MGST1: variants seen among roughly 807,000 people sequenced by gnomAD.
MGST1 encodes the protein microsomal glutathione S-transferase 1, also known as glutathione S-transferase 12.
In MGST1, 5 loss-of-function variants were observed where a neutral mutation model predicts 8.9. That is an observed-to-expected ratio of 0.56 (90% CI 0.29 to 1.19). The LOEUF (loss-of-function observed/expected upper bound fraction) is 1.19. MGST1 is among the 50% of genes most tolerant of loss of function. MGST1 has a pLI of 0.08. For synonymous variants in MGST1, 54 were observed against 67.8 expected (o/e 0.80, Z 1.00); for missense variants, 182 against 187.4 (o/e 0.97, Z 0.17).
chr12:16,388,363 T>A (rs1009218844), intron 1 of MGST1, among the ~76,000 whole-genome samples: 1 of 151,778 alleles, frequency 6.6e-6, no homozygotes, highest in Non-Finnish European at 1.5e-5. Flanking sequence ...AGTGAGTGAG[T>A]GGGGAGTGAA....
At chr12:16,399,826 C>A in intron 1 of MGST1, 2 of 1,218,708 alleles carry the variant, frequency 1.6e-6, no homozygotes, top group South Asian at 1.2e-5. Flanking sequence ...TGATCATGGT[C>A]ACTTTCTTGC....
chr12:16,534,505 G>T (rs1038290915), intron 4 of MGST1, among the ~76,000 whole-genome samples: 2 of 152,016 alleles, frequency 1.3e-5, no homozygotes, highest in Non-Finnish European at 2.9e-5. Flanking sequence ...ATATAGTAAG[G>T]GATGGCACAT....
At chr12:16,440,364 T>C (rs1941028999), downstream of MGST1, among the ~76,000 whole-genome samples, 1 of 151,774 alleles carries the variant, frequency 6.6e-6, no homozygotes, top group Non-Finnish European at 1.5e-5. Flanking sequence ...TTCCAACTTC[T>C]TAGAGGTTTC....
chr12:16,575,699 G>A (rs1468083008), intron 4 of MGST1, among the ~76,000 whole-genome samples: 3 of 152,224 alleles, frequency 2.0e-5, no homozygotes, highest in Admixed American at 2.0e-4. Flanking sequence ...AGCCATTTAG[G>A]ATTTCCCCTC....
At chr12:16,538,908 G>A (rs997154655) in intron 4 of MGST1, among the ~76,000 whole-genome samples, 8 of 151,996 alleles carry the variant, frequency 5.3e-5, no homozygotes, top group African/African-American at 1.2e-4. Context: ...GCACCCGGCC[G>A]AAAGGCACTT....
intron 1 of MGST1, chr12:16,400,638 T>G: frequency 6.8e-7 from 1 of 1,473,310 alleles, no homozygotes; most frequent in Non-Finnish European, 9.5e-7. Context: ...GTAATTTCTT[T>G]GACAAAAGTC....
chr12:16,403,801 G>A (rs1035642409), intron 1 of MGST1, among the ~76,000 whole-genome samples: 2 of 152,030 alleles, frequency 1.3e-5, no homozygotes, highest in Non-Finnish European at 2.9e-5. Flanking sequence ...TCTGAGCGAA[G>A]GAAGAAGAGC....
downstream of MGST1, among the ~76,000 whole-genome samples, chr12:16,442,199 A>G (rs1225707956): frequency 1.3e-5 from 2 of 151,690 alleles, no homozygotes; most frequent in Non-Finnish European, 2.9e-5. This position sits in a 1 kb window ranked among gnomAD's most constrained non-coding sequence, Gnocchi z 4.5. Flanking sequence ...TTTTCTTTGT[A>G]TCTTTCGTAA....
intron 4 of MGST1, among the ~76,000 whole-genome samples, chr12:16,556,552 G>A (rs1444222422): frequency 6.6e-6 from 1 of 152,062 alleles, no homozygotes; most frequent in African/African-American, 2.4e-5. Flanking sequence ...ATTCACAAAC[G>A]CGTAATTCCA....
In MGST1 at chr12:16,578,822, AACAACAACAAC is replaced by A. The variant is rs1565497691; in HGVS notation, n.483-10704_483-10694del. Among the ~76,000 whole-genome samples the A allele has an allele frequency of 9.6e-3, 765 of 79,942 alleles. 8 individuals are homozygous for A. Among genetic ancestry groups the A allele is most frequent in the African/African-American group, 0.029 (742 of 25,324 alleles). 52.4% of individuals were successfully genotyped at this position (79,942 alleles called of 152,430 possible). ...GACAGAGCGAGATTCTGTCTCAAAC[AACAACAACAAC>A]AACAACAACAACAACAACAACAACA... On this transcript the variant is annotated intron_variant and non_coding_transcript_variant, in intron 4 of 4. Transcript: ENST00000538857.
intron 4 of MGST1, among the ~76,000 whole-genome samples, chr12:16,524,767 C>T (rs1287852533): frequency 1.3e-5 from 2 of 152,018 alleles, no homozygotes; most frequent in Admixed American, 6.6e-5. Flanking sequence ...ACAGAGCTTA[C>T]ATATTTATGC....
In MGST1 at chr12:16,361,433, A is replaced by G. The variant is rs9332936; in HGVS notation, c.222-2362A>G. Among the ~76,000 whole-genome samples, 1,775 of 152,296 alleles carry G rather than the reference A, an allele frequency of 0.012. 11 individuals are homozygous for G. Among genetic ancestry groups the G allele is most frequent in the Middle Eastern group, 0.024 (7 of 294 alleles). On this transcript the variant is annotated intron_variant, in intron 3 of 3. Transcript: ENST00000396210. The surrounding 1 kb of genome is among the most constrained non-coding windows in gnomAD (Gnocchi z 4.2). Reference sequence around the variant, plus strand: ...CCAGGGCATGTGTGTCCAAAGGAGAAAGAAGAATGGGAAAATGTAATCATG... The same window carrying G: ...CCAGGGCATGTGTGTCCAAAGGAGAGAGAAGAATGGGAAAATGTAATCATG...
In MGST1 at chr12:16,389,259, G is replaced by A. The variant is rs188239985; in HGVS notation, n.778+5655G>A. On this transcript the variant is annotated intron_variant and non_coding_transcript_variant, in intron 1 of 1. Transcript: ENST00000359720. The surrounding 1 kb of genome is among the most constrained non-coding windows in gnomAD (Gnocchi z 4.6). Reference sequence around the variant, plus strand: ...CTGAAAAGAAATAGTTTGTTTACTCGATGCATCAACAGTTTGTATCTCAAC... The same window carrying A: ...CTGAAAAGAAATAGTTTGTTTACTCAATGCATCAACAGTTTGTATCTCAAC... Among the ~76,000 whole-genome samples, 8 of 152,250 alleles carry A rather than the reference G, an allele frequency of 5.3e-5. No individual in the cohort carries two copies. Among genetic ancestry groups the A allele is most frequent in the South Asian group, 2.1e-4 (1 of 4,830 alleles).
chr12:16,363,738 A>G lies in MGST1; in HGVS notation c.222-57A>G. ...TTAGTTTTTAGAAGAGAGAGAAAAAAGGATACATATCTAGTATTTTGAAAT... is the reference window on the plus strand; with the variant it reads ...TTAGTTTTTAGAAGAGAGAGAAAAAGGGATACATATCTAGTATTTTGAAAT... On this transcript the variant is annotated intron_variant, in intron 3 of 3. Transcript: ENST00000396210. The surrounding 1 kb of genome is among the most constrained non-coding windows in gnomAD (Gnocchi z 4.6). 2 of 1,372,790 alleles carry G rather than the reference A, an allele frequency of 1.5e-6. No homozygotes were observed. Among genetic ancestry groups the G allele is most frequent in the Non-Finnish European group, 1.9e-6 (2 of 1,029,754 alleles). 85.0% of individuals were successfully genotyped at this position (1,372,790 alleles called of 1,614,324 possible). A position where few individuals can be genotyped will look rare whatever the true frequency, so the allele number is the denominator to read the frequency against.
Position 16,547,406 on chromosome 12 carries a change from C to T in MGST1, n.483-42122C>T, listed in dbSNP as rs1272141652. ...TGAGTAATTTGTGTGCGATAATTCT[C>T]TGAACACATTGATTACTTGAGATAT... is the stretch of plus-strand genomic sequence containing the variant. On this transcript the variant is annotated intron_variant and non_coding_transcript_variant, in intron 4 of 4. Transcript: ENST00000538857. The surrounding 1 kb of genome is among the most constrained non-coding windows in gnomAD (Gnocchi z 4.6). Among the ~76,000 whole-genome samples, 1 of 152,150 alleles carries T rather than the reference C, an allele frequency of 6.6e-6. No homozygotes were observed. The highest frequency in any genetic ancestry group is 2.1e-4 in the South Asian group (1 of 4,830).
At chr12:16,403,496 T>C (rs544856476) in intron 1 of MGST1, among the ~76,000 whole-genome samples, 1 of 152,248 alleles carries the variant, frequency 6.6e-6, no homozygotes, top group African/African-American at 2.4e-5. Flanking sequence ...TTATTGGCTA[T>C]AATGTTCTGT....
chr12:16,455,720 A>C (rs1285060500), intron 4 of MGST1, among the ~76,000 whole-genome samples: 1 of 151,892 alleles, frequency 6.6e-6, no homozygotes, highest in Non-Finnish European at 1.5e-5. Context: ...TCACGTGTTG[A>C]ATTTCAGAAA....
At chr12:16,553,304 C>T (rs940892686) in intron 4 of MGST1, among the ~76,000 whole-genome samples, 1 of 152,062 alleles carries the variant, frequency 6.6e-6, no homozygotes, top group East Asian at 1.9e-4. Flanking sequence ...ATTCAAGACT[C>T]AAGCTTTTAC....
At chr12:16,530,469 G>A (rs920435527) in intron 4 of MGST1, among the ~76,000 whole-genome samples, 11 of 152,060 alleles carry the variant, frequency 7.2e-5, no homozygotes, top group Non-Finnish European at 1.5e-4. Flanking sequence ...AATAAATACA[G>A]ATATAGGAGT....
Sources: allele counts gnomAD v4.1 joint callset (sites outside exome capture counted in the v4.1 genomes callset), GRCh38; gene constraint gnomAD v4.1.1; non-coding constraint Gnocchi (gnomAD v3.1); transcripts MANE v1.5; gene names NCBI Gene and HGNC (gene_info 2026-07-23, HGNC 2026-07-21).